ELF2: variants seen among roughly 807,000 people sequenced by gnomAD.
The protein encoded by ELF2 is E74 like ETS transcription factor 2, also known as ETS-related transcription factor Elf-2.
In ELF2, 11 loss-of-function variants were observed where a neutral mutation model predicts 54.8. The observed-to-expected ratio is 0.20, with a 90% CI of 0.13 to 0.33. The LOEUF is 0.33. Among genes scored for constraint, ELF2 ranks in the 10% least tolerant of loss-of-function variants. ELF2 has a pLI of 1.00. For synonymous variants in ELF2, 203 were observed against 245.1 expected, an observed-to-expected ratio of 0.83 and a Z score of 1.61; for missense variants, 513 against 703.0, an observed-to-expected ratio of 0.73 and a Z score of 3.06.
chr4:139,089,809 C>T (rs1286088299), intron 4 of ELF2, among the ~76,000 whole-genome samples: 1 of 152,160 alleles, frequency 6.6e-6, no homozygotes, highest in Non-Finnish European at 1.5e-5. Context: ...ATCACATTAG[C>T]AAATAGTTTC....
intron 1 of ELF2, among the ~76,000 whole-genome samples, chr4:139,171,620 A>C (rs544657787): frequency 0.025 from 3,738 of 149,158 alleles, 155 homozygotes; most frequent in African/African-American, 0.088. Flanking sequence ...AAAAAAAAAA[A>C]CACAACAAAT....
intron 4 of ELF2, among the ~76,000 whole-genome samples, chr4:139,117,521 C>G (rs887694458): frequency 2.0e-5 from 3 of 151,816 alleles, no homozygotes; most frequent in East Asian, 3.9e-4. Context: ...AGGAGAAACC[C>G]CGTCTCTATC....
At chr4:139,153,227 G>A (rs993399477) in intron 1 of ELF2, among the ~76,000 whole-genome samples, 2 of 152,078 alleles carry the variant, frequency 1.3e-5, no homozygotes, top group African/African-American at 4.8e-5. Flanking sequence ...TTGACCCCAA[G>A]AATTCAAGGC....
At chr4:139,122,380 C>T (rs1055933762) in intron 4 of ELF2, among the ~76,000 whole-genome samples, 1 of 152,150 alleles carries the variant, frequency 6.6e-6, no homozygotes, top group African/African-American at 2.4e-5. Context: ...AATTCACTAC[C>T]TAAAAGGAAA....
At chr4:139,100,332 G>C (rs1174824962) in intron 4 of ELF2, 1 of 152,022 alleles carries the variant, frequency 6.6e-6, no homozygotes, top group Non-Finnish European at 1.5e-5. Flanking sequence ...ATGAATGTGA[G>C]AAGCCAAATT....
In ELF2 at chr4:139,151,036, G is replaced by GA. The variant is rs1205361498; in HGVS notation, c.-251-11540dup. ...GAGGCTCCATCTCAAAAAAAAAAAA[G>GA]AAAGAAAGAAAGAAAGAAAGAAAGA... On this transcript the variant is annotated intron_variant, in intron 1 of 9. Transcript: ENST00000686138. 5.1e-3 allele frequency among the ~76,000 whole-genome samples: 154 copies of GA among 30,144 alleles called. 5 individuals are homozygous for GA. Among genetic ancestry groups the GA allele is most frequent in the African/African-American group, 0.012 (149 of 12,742 alleles). The allele number at this position is 30,144 out of a possible 152,430, so 19.8% of individuals were successfully genotyped here.
At chr4:139,157,418 T>A (rs1056258110) in intron 1 of ELF2, among the ~76,000 whole-genome samples, 2 of 152,028 alleles carry the variant, frequency 1.3e-5, no homozygotes, top group African/African-American at 2.4e-5. Context: ...TTTTTTTTTT[T>A]ATACTGGGTC....
At chr4:139,162,222 AAAT>A (rs1208576805) in intron 1 of ELF2, among the ~76,000 whole-genome samples, 2 of 151,958 alleles carry the variant, frequency 1.3e-5, no homozygotes, top group Non-Finnish European at 2.9e-5. Flanking sequence ...AAAATTAAAA[AAAT>A]AACAAATTAT....
intron 1 of ELF2, among the ~76,000 whole-genome samples, chr4:139,166,665 G>A (rs1741757307): frequency 6.6e-6 from 1 of 152,034 alleles, no homozygotes. Context: ...TCAGGAGATC[G>A]AGACCATCCT....
At chr4:139,150,135 T>C (rs1321407764) in intron 1 of ELF2, among the ~76,000 whole-genome samples, 1 of 152,102 alleles carries the variant, frequency 6.6e-6, no homozygotes, top group Non-Finnish European at 1.5e-5. Flanking sequence ...AGGTCAGGCA[T>C]TCGAGACCAG....
At chr4:139,094,522 T>A (rs987530518) in intron 4 of ELF2, among the ~76,000 whole-genome samples, 2 of 152,134 alleles carry the variant, frequency 1.3e-5, no homozygotes, top group Non-Finnish European at 2.9e-5. Context: ...CTGCAGCAGT[T>A]TGAGCAACAA....
At chr4:139,086,867 T>C (rs551277971) in intron 4 of ELF2, among the ~76,000 whole-genome samples, 4 of 152,326 alleles carry the variant, frequency 2.6e-5, no homozygotes, top group African/African-American at 7.2e-5. Context: ...AAATTTTTAA[T>C]AGGGGTTCAA....
intron 1 of ELF2, among the ~76,000 whole-genome samples, chr4:139,147,422 T>C (rs1256383161): frequency 6.6e-6 from 1 of 152,242 alleles, no homozygotes; most frequent in African/African-American, 2.4e-5. Flanking sequence ...GGAACACTTA[T>C]GCACTGCTAG....
chr4:139,083,111 T>C (rs778038130), intron 4 of ELF2, among the ~76,000 whole-genome samples: 1 of 152,072 alleles, frequency 6.6e-6, no homozygotes, highest in East Asian at 1.9e-4. Flanking sequence ...AGAGAGCAGA[T>C]TGGAACCAGA....
chr4:139,083,553 A>G (rs1248364290), intron 4 of ELF2, among the ~76,000 whole-genome samples: 1 of 150,742 alleles, frequency 6.6e-6, no homozygotes, highest in Non-Finnish European at 1.5e-5. Flanking sequence ...GGGTCAGAGC[A>G]TTTTTTTTTG....
intron 4 of ELF2, among the ~76,000 whole-genome samples, chr4:139,080,438 A>T (rs1382046165): frequency 6.6e-6 from 1 of 152,166 alleles, no homozygotes; most frequent in Non-Finnish European, 1.5e-5. Context: ...AATTTATAGT[A>T]AATCAGAAAT....
intron 1 of ELF2, among the ~76,000 whole-genome samples, chr4:139,168,023 G>A (rs1741896375): frequency 6.6e-6 from 1 of 152,148 alleles, no homozygotes; most frequent in Non-Finnish European, 1.5e-5. Context: ...TCCACCTAGT[G>A]GGTGACTCTG....
intron 1 of ELF2, among the ~76,000 whole-genome samples, chr4:139,153,915 AG>A (rs1481000504): frequency 1.3e-5 from 2 of 152,182 alleles, no homozygotes; most frequent in Non-Finnish European, 1.5e-5. Context: ...GTGAGCTCAC[AG>A]GAATGTGACC....
At chr4:139,135,386 G>A (rs1333589667) in intron 3 of ELF2, among the ~76,000 whole-genome samples, 2 of 151,694 alleles carry the variant, frequency 1.3e-5, no homozygotes, top group Non-Finnish European at 2.9e-5. Flanking sequence ...CATGTTTCCA[G>A]TATTAGTGGC....
Sources: allele counts gnomAD v4.1 joint callset (sites outside exome capture counted in the v4.1 genomes callset), GRCh38; gene constraint gnomAD v4.1.1; transcripts MANE v1.5; gene names NCBI Gene and HGNC (gene_info 2026-07-23, HGNC 2026-07-21).